The following SORCS3 variants were observed in gnomAD, a reference collection of about 807,000 sequenced individuals.
The protein encoded by SORCS3 is sortilin related VPS10 domain containing receptor 3.
In SORCS3, 57 loss-of-function variants were observed where a neutral mutation model predicts 146.3. The ratio of observed to expected loss-of-function variants is 0.39; its 90% CI spans 0.31 to 0.49. The LOEUF (loss-of-function observed/expected upper bound fraction) is 0.49, where lower values mean the gene tolerates loss of function less well. Among genes scored for constraint, SORCS3 ranks in the 20% least tolerant of loss-of-function variants. SORCS3 has a pLI of 0.92. For synonymous variants in SORCS3, 653 were observed against 618.5 expected, an observed-to-expected ratio of 1.06 and a Z score of -0.83; for missense variants, 1,341 against 1,575.5, an observed-to-expected ratio of 0.85 and a Z score of 2.52.
chr10:105,090,238 A>G (rs1018835874), intron 6 of SORCS3, among the ~76,000 whole-genome samples: 1 of 152,192 alleles, frequency 6.6e-6, no homozygotes, highest in Admixed American at 6.5e-5. Context: ...GTAATGGGGC[A>G]TTATTTGCAA....
intron 7 of SORCS3, among the ~76,000 whole-genome samples, chr10:105,111,418 A>T (rs1259822252): frequency 2.0e-5 from 3 of 152,172 alleles, no homozygotes; most frequent in Non-Finnish European, 4.4e-5. Flanking sequence ...GGTACTCAAT[A>T]AATGTTTGCT....
At chr10:104,947,960 A>T (rs1237254385) in intron 3 of SORCS3, among the ~76,000 whole-genome samples, 1 of 152,178 alleles carries the variant, frequency 6.6e-6, no homozygotes, top group Non-Finnish European at 1.5e-5. Flanking sequence ...TACTCAAAAA[A>T]CAAAACTCCT....
intron 19 of SORCS3, among the ~76,000 whole-genome samples, chr10:105,222,757 A>T (rs2056711504): frequency 6.6e-6 from 1 of 152,212 alleles, no homozygotes; most frequent in Non-Finnish European, 1.5e-5. Flanking sequence ...CCAAATCACA[A>T]TACAGGCTAA....
chr10:104,849,096 A>G (rs935040003), intron 2 of SORCS3, among the ~76,000 whole-genome samples: 1 of 152,088 alleles, frequency 6.6e-6, no homozygotes, highest in Non-Finnish European at 1.5e-5. Context: ...CTATTTTTCC[A>G]TTGGGATGTG....
At chr10:104,687,752 G>GCTCTGGAGT (rs2016062697) in intron 1 of SORCS3, among the ~76,000 whole-genome samples, 1 of 152,178 alleles carries the variant, frequency 6.6e-6, no homozygotes, top group African/African-American at 2.4e-5. Context: ...GAAGGCACAG[G>GCTCTGGAGT]CTCTGGAGTC....
chr10:105,214,383 T>C (rs200552182), intron 17 of SORCS3, 59 bp from the exon 18 acceptor site: 243 of 1,278,354 alleles, frequency 1.9e-4, no homozygotes, highest in Non-Finnish European at 2.3e-4. Flanking sequence ...CACACACACA[T>C]ACAACAGCAA....
At chr10:104,916,861 A>G (rs1338953192) in intron 3 of SORCS3, among the ~76,000 whole-genome samples, 1 of 152,172 alleles carries the variant, frequency 6.6e-6, no homozygotes, top group African/African-American at 2.4e-5. Flanking sequence ...TAAGCTCAGG[A>G]GCAAGCTTCA....
At chr10:105,015,732 T>A (rs1242542376) in intron 4 of SORCS3, among the ~76,000 whole-genome samples, 3 of 152,018 alleles carry the variant, frequency 2.0e-5, no homozygotes, top group African/African-American at 7.2e-5. Flanking sequence ...TACTTCTTTT[T>A]TTCTTTTTTC....
rs541964500 is a variant in SORCS3, at chr10:104,671,749, C to T, written c.627+29795C>T. On this transcript the variant is annotated intron_variant, in intron 1 of 26. Coordinates refer to ENST00000369701, the MANE Select transcript of SORCS3 (RefSeq NM_014978.3). ...ACTAAGGTGATCGTGTGTTTTTTTC[C>T]GTTTCATTCTGTTAATGTGGTATAC... 3.3e-5 allele frequency among the ~76,000 whole-genome samples: 5 copies of T among 151,676 alleles called. No homozygotes were observed. In the South Asian group the frequency reaches 6.3e-4, roughly 19 times the overall value.
intron 3 of SORCS3, among the ~76,000 whole-genome samples, chr10:104,931,177 G>A (rs1476593260): frequency 6.6e-6 from 1 of 152,128 alleles, no homozygotes; most frequent in Non-Finnish European, 1.5e-5. Flanking sequence ...TCTCAGGGGG[G>A]GAGTCCCTTA....
At chr10:104,790,251 G>A (rs910599606) in intron 1 of SORCS3, among the ~76,000 whole-genome samples, 1 of 152,108 alleles carries the variant, frequency 6.6e-6, no homozygotes, top group African/African-American at 2.4e-5. Flanking sequence ...ATTAACTTAG[G>A]GCAGACAAAA....
At chr10:104,651,290 A>C (rs1166001924) in intron 1 of SORCS3, among the ~76,000 whole-genome samples, 1 of 152,212 alleles carries the variant, frequency 6.6e-6, no homozygotes, top group African/African-American at 2.4e-5. Flanking sequence ...AAGCCACAGC[A>C]ATCTTGAACA....
intron 14 of SORCS3, among the ~76,000 whole-genome samples, chr10:105,185,160 A>G (rs1463371889): frequency 6.6e-6 from 1 of 152,208 alleles, no homozygotes; most frequent in Non-Finnish European, 1.5e-5. Flanking sequence ...TTAAAAAAAT[A>G]AAATAAAAAA....
intron 19 of SORCS3, 62 bp from the exon 20 acceptor site, chr10:105,223,054 G>T (rs2056713478): frequency 2.7e-6 from 4 of 1,498,500 alleles, no homozygotes; most frequent in Non-Finnish European, 2.7e-6. Flanking sequence ...GAATCTAGGG[G>T]TGTGATACAG....
At chr10:105,195,354 A>G (rs1344076148) in intron 14 of SORCS3, among the ~76,000 whole-genome samples, 6 of 152,140 alleles carry the variant, frequency 3.9e-5, no homozygotes, top group Non-Finnish European at 8.8e-5. Context: ...CTAATTCAGA[A>G]TCAAGAGGAC....
intron 1 of SORCS3, among the ~76,000 whole-genome samples, chr10:104,736,692 G>A (rs1051968241): frequency 6.6e-6 from 1 of 151,722 alleles, no homozygotes; most frequent in Admixed American, 6.6e-5. Context: ...TTCTCAGCAG[G>A]TGAACCTTTT....
At chr10:104,864,961 C>T (rs1057451177) in intron 2 of SORCS3, among the ~76,000 whole-genome samples, 2 of 152,158 alleles carry the variant, frequency 1.3e-5, no homozygotes, top group African/African-American at 2.4e-5. Context: ...ATTTAAGTAT[C>T]TCTTCCCCAG....
At chr10:104,958,456 G>A (rs2054768377) in intron 3 of SORCS3, among the ~76,000 whole-genome samples, 1 of 152,142 alleles carries the variant, frequency 6.6e-6, no homozygotes, top group African/African-American at 2.4e-5. Flanking sequence ...AATTAAGAAT[G>A]CTAATCAGCT....
At chr10:104,654,227 C>T (rs2015597662) in intron 1 of SORCS3, among the ~76,000 whole-genome samples, 1 of 152,134 alleles carries the variant, frequency 6.6e-6, no homozygotes, top group African/African-American at 2.4e-5. Flanking sequence ...AGGTTGCTTC[C>T]AAATCTTGGC....
Sources: allele counts gnomAD v4.1 joint callset (sites outside exome capture counted in the v4.1 genomes callset), GRCh38; gene constraint gnomAD v4.1.1; transcripts MANE v1.5; gene names NCBI Gene and HGNC (gene_info 2026-07-23, HGNC 2026-07-21).